Variants in EEF1A2 observed in about 807,000 individuals in gnomAD.
EEF1A2 encodes the protein eukaryotic translation elongation factor 1 alpha 2.
EEF1A2 carries 5 observed loss-of-function variants against 39.3 expected under a neutral mutation model. The observed-to-expected ratio is 0.13, with a 90% CI of 0.07 to 0.27. EEF1A2 has a LOEUF of 0.27. EEF1A2 is among the 10% of genes least tolerant of loss of function. The pLI, the probability that EEF1A2 is intolerant of heterozygous loss-of-function variation, is 1.00. For missense variants in EEF1A2, 218 were observed against 681.4 expected, an observed-to-expected ratio of 0.32 and a Z score of 7.57; for synonymous variants, 287 against 293.7, an observed-to-expected ratio of 0.98 and a Z score of 0.23.
chr20:63,497,903 T>C lies in EEF1A2; in HGVS notation c.-71-69A>G, dbSNP rs1267081964. 4.2e-6 allele frequency: 5 copies of C among 1,194,584 alleles called. No individual in the cohort carries two copies. The highest frequency in any genetic ancestry group is 5.8e-6 in the Non-Finnish European group (5 of 864,122). The allele number at this position is 1,194,584 out of a possible 1,614,324, so 74.0% of individuals were successfully genotyped here. ...CAGGGGGAGACACCAGCAGAGACTGTCCTGGCACAGGCTGGACAGGCATCC... is the reference window on the plus strand; with the variant it reads ...CAGGGGGAGACACCAGCAGAGACTGCCCTGGCACAGGCTGGACAGGCATCC... On this transcript the variant is annotated intron_variant, in intron 1 of 7. Transcript: ENST00000217182. This position sits in a 1 kb window ranked among gnomAD's most constrained non-coding sequence, Gnocchi z 7.3.
At chr20:63,494,314 G>C (rs1175237715) in intron 4 of EEF1A2, among the ~76,000 whole-genome samples, 1 of 152,236 alleles carries the variant, frequency 6.6e-6, no homozygotes, top group Non-Finnish European at 1.5e-5. Context: ...GACCGGCCAA[G>C]AGCCAACCCT....
chr20:63,489,370 C>G (rs1231116978), intron 6 of EEF1A2, among the ~76,000 whole-genome samples: 3 of 149,342 alleles, frequency 2.0e-5, no homozygotes, highest in Admixed American at 1.3e-4. Flanking sequence ...TTCATTGTTT[C>G]GAAGGGGCAG....
intron 5 of EEF1A2, 149 bp from the exon 6 acceptor site, chr20:63,490,884 G>A: frequency 1.1e-6 from 1 of 897,372 alleles, no homozygotes; most frequent in East Asian, 2.7e-5. Flanking sequence ...CGGAGTGCAG[G>A]GGAAGGGAGG....
At chr20:63,493,084 T>G (rs2082398462) in intron 5 of EEF1A2, 53 bp downstream of exon 5, 1 of 1,529,762 alleles carries the variant, frequency 6.5e-7, no homozygotes, top group Non-Finnish European at 8.8e-7. Flanking sequence ...GCCCCTGGTC[T>G]AGGGCAGGCA....
Position 63,489,155 on chromosome 20 carries a change from G to A in EEF1A2, c.1030-3C>T. 3 of 1,611,052 alleles carry A rather than the reference G, an allele frequency of 1.9e-6. No individual in the cohort carries two copies. Among genetic ancestry groups the A allele is most frequent in the Non-Finnish European group, 1.7e-6 (2 of 1,178,732 alleles). ...CCCGGGTGGTTCAGGATGATGACCT[G>A]CGAGCGGAGCCACAGGCGGCCATCA... is the stretch of plus-strand genomic sequence containing the variant. On this transcript the variant is annotated splice_polypyrimidine_tract_variant and splice_region_variant and intron_variant, in intron 6 of 7. Coordinates refer to ENST00000217182, the MANE Select transcript of EEF1A2 (RefSeq NM_001958.5).
chr20:63,491,931 T>G (rs62651375), intron 5 of EEF1A2, among the ~76,000 whole-genome samples: 7 of 130,652 alleles, frequency 5.4e-5, no homozygotes, highest in South Asian at 2.7e-4. Flanking sequence ...GATGGATGGA[T>G]GGATGGATGG....
intron 4 of EEF1A2, among the ~76,000 whole-genome samples, chr20:63,493,607 A>G (rs951518412): frequency 6.6e-6 from 1 of 152,196 alleles, no homozygotes; most frequent in Non-Finnish European, 1.5e-5. Flanking sequence ...GCCCCTGACC[A>G]TCAGCTCCAG....
chr20:63,495,061 T>C lies in EEF1A2; in HGVS notation c.365A>G (p.Glu122Gly). 1 of 1,612,228 alleles carries C rather than the reference T, an allele frequency of 6.2e-7. No homozygotes were observed. The highest frequency in any genetic ancestry group is 8.5e-7 in the Non-Finnish European group (1 of 1,179,876). ...ATTCTTGGAGATGCCCGCCTCGAAC[T>C]CGCCCACGCCCGCCGCCACGATCAG... The part of the protein sequence containing the change: ...AVLIVAAGVG[E>G]FEAGISKNGQ... Residue 122 changes from glutamate to glycine, a missense_variant, in exon 4 of 8, where the codon GAG becomes GGG. Around this residue, in one of 4 missense-constraint regions of EEF1A2, gnomAD observed 79 missense variants for 172.3 expected, o/e 0.46. Transcript: ENST00000217182.
chr20:63,497,493 G>T lies in EEF1A2; in HGVS notation c.144+127C>A. 1 of 1,434,784 alleles carries T rather than the reference G, an allele frequency of 7.0e-7. No individual in the cohort carries two copies. The highest frequency in any genetic ancestry group is 9.3e-7 in the Non-Finnish European group (1 of 1,072,172). The allele number at this position is 1,434,784 out of a possible 1,614,324, so 88.9% of individuals were successfully genotyped here. On this transcript the variant is annotated intron_variant, in intron 2 of 7. Transcript: ENST00000217182. The surrounding 1 kb of genome is among the most constrained non-coding windows in gnomAD (Gnocchi z 7.3). ...TGAGGCCTGAGTGCCCCACAGCGGG[G>T]GTCCCTCCTGCCCTGGAGGAGGTCA... is the stretch of plus-strand genomic sequence containing the variant.
chr20:63,491,905 GAT>G, intron 5 of EEF1A2, among the ~76,000 whole-genome samples: 1 of 143,894 alleles, frequency 6.9e-6, no homozygotes, highest in Non-Finnish European at 1.5e-5. Context: ...TGGATGGATG[GAT>G]GGATGGGGGG....
Position 63,496,123 on chromosome 20 carries a change from C to T in EEF1A2, c.145-88G>A, listed in dbSNP as rs2082415415. The T allele has an allele frequency of 6.0e-6, 9 of 1,489,702 alleles. No homozygotes were observed. The Admixed American group carries it at 9.2e-5, about 15-fold the overall frequency. The allele number at this position is 1,489,702 out of a possible 1,614,324, so 92.3% of individuals were successfully genotyped here. A position where few individuals can be genotyped will look rare whatever the true frequency, so the allele number is the denominator to read the frequency against. Reference sequence around the variant, plus strand: ...GAGCTGCTTGTTACAGCAGAGTGGCCGCGAGAGGCGGGAGATGGGCTCCAG... The same window carrying T: ...GAGCTGCTTGTTACAGCAGAGTGGCTGCGAGAGGCGGGAGATGGGCTCCAG... On this transcript the variant is annotated intron_variant, in intron 2 of 7. Transcript: ENST00000217182.
intron 5 of EEF1A2, 150 bp downstream of exon 5, chr20:63,492,987 G>T: frequency 9.3e-7 from 1 of 1,072,508 alleles, no homozygotes; most frequent in Non-Finnish European, 1.3e-6. Flanking sequence ...GTGGATGGAT[G>T]GATGGATGTG....
intron 4 of EEF1A2, among the ~76,000 whole-genome samples, chr20:63,494,415 C>A (rs1197291649): frequency 1.3e-5 from 2 of 152,252 alleles, no homozygotes; most frequent in African/African-American, 4.8e-5. Context: ...GAGGCCCCCA[C>A]GGCCCAGCCC....
At chr20:63,494,028 G>C in intron 4 of EEF1A2, among the ~76,000 whole-genome samples, 1 of 152,236 alleles carries the variant, frequency 6.6e-6, no homozygotes, top group East Asian at 1.9e-4. Flanking sequence ...TGAGATGGAG[G>C]CGGAGCTGGG....
intron 5 of EEF1A2, 56 bp from the exon 6 acceptor site, chr20:63,490,791 G>A (rs1345917680): frequency 3.9e-6 from 6 of 1,548,028 alleles, no homozygotes; most frequent in African/African-American, 1.3e-5. Flanking sequence ...TGCTGGGGCA[G>A]GATATTCGGG....
chr20:63,490,561 G>A lies in EEF1A2; in HGVS notation c.947C>T (p.Ser316Leu), dbSNP rs2082374152. ...GTTGCCCCGCCGGATGTCCTTCACC[G>A]ACACGTTCTTCACATTGAAGCCGAC... The part of the protein sequence containing the change: ...DNVGFNVKNV[S>L]VKDIRRGNVC... Residue 316 changes from serine to leucine, a missense_variant, in exon 6 of 8, where the codon TCG becomes TTG. Transcript: ENST00000217182. 1 of 1,612,762 alleles carries A rather than the reference G, an allele frequency of 6.2e-7. No individual in the cohort carries two copies. The highest frequency in any genetic ancestry group is 8.5e-7 in the Non-Finnish European group (1 of 1,179,948).
At chr20:63,488,706 G>C (rs1187223155) in intron 7 of EEF1A2, among the ~76,000 whole-genome samples, 1 of 152,188 alleles carries the variant, frequency 6.6e-6, no homozygotes, top group Non-Finnish European at 1.5e-5. Flanking sequence ...TCGGGGCCTC[G>C]TCTGCACACA....
Position 63,497,930 on chromosome 20 carries a change from T to A in EEF1A2, c.-71-96A>T. 1.1e-6 allele frequency: 1 copy of A among 938,118 alleles called. No individual in the cohort carries two copies. The highest frequency in any genetic ancestry group is 1.5e-6 in the Non-Finnish European group (1 of 653,068). The allele number at this position is 938,118 out of a possible 1,614,324, so 58.1% of individuals were successfully genotyped here. A position where few individuals can be genotyped will look rare whatever the true frequency, so the allele number is the denominator to read the frequency against. ...CTGGCACAGGCTGGACAGGCATCCC[T>A]GCCCACAAACCAAGCCCCCATGTTT... On this transcript the variant is annotated intron_variant, in intron 1 of 7. Transcript: ENST00000217182. This position sits in a 1 kb window ranked among gnomAD's most constrained non-coding sequence, Gnocchi z 7.3.
At position 63,488,258 on chromosome 20, in the gene EEF1A2, C is replaced by CG; in HGVS notation, c.*39dup. 9.9e-7 allele frequency: 1 copy of CG among 1,007,516 alleles called. No homozygotes were observed. Among genetic ancestry groups the CG allele is most frequent in the Non-Finnish European group, 1.2e-6 (1 of 845,832 alleles). The allele number at this position is 1,007,516 out of a possible 1,614,324, so 62.4% of individuals were successfully genotyped here. A position where few individuals can be genotyped will look rare whatever the true frequency, so the allele number is the denominator to read the frequency against. ...GGGCCCGGGCCCGGGGTTCGGAGCGCGGCACCGCCGGGGAGGGTCGCGCCG... is the reference window on the plus strand; with the variant it reads ...GGGCCCGGGCCCGGGGTTCGGAGCGCGGGCACCGCCGGGGAGGGTCGCGCCG... On this transcript the variant is annotated 3_prime_UTR_variant, in exon 8 of 8. Transcript: ENST00000217182.
Sources: allele counts gnomAD v4.1 joint callset (sites outside exome capture counted in the v4.1 genomes callset), GRCh38; gene constraint gnomAD v4.1.1; regional missense constraint gnomAD v4.1.1; non-coding constraint Gnocchi (gnomAD v3.1); transcripts MANE v1.5; gene names NCBI Gene and HGNC (gene_info 2026-07-23, HGNC 2026-07-21).